ZNF133: variants seen among roughly 807,000 people sequenced by gnomAD.
The protein encoded by ZNF133 is zinc finger protein 133.
ZNF133 carries 26 observed loss-of-function variants against 54.9 expected under a neutral mutation model. The ratio of observed to expected loss-of-function variants is 0.47; its 90% confidence interval spans 0.35 to 0.66. The LOEUF (loss-of-function observed/expected upper bound fraction) is 0.66. Among genes scored for constraint, ZNF133 ranks in the 30% least tolerant of loss-of-function variants. The pLI is 0.01. For synonymous variants in ZNF133, 298 were observed against 320.3 expected (o/e 0.93, Z 0.74); for missense variants, 653 against 820.8 (o/e 0.80, Z 2.50).
chr20:18,316,394 A>ACGCACTCAGGGGAGAGGC lies in ZNF133; in HGVS notation c.1546_1563dup (p.His516_Pro521dup). 6.2e-7 allele frequency: 1 copy of ACGCACTCAGGGGAGAGGC among 1,614,020 alleles called. No individual in the cohort carries two copies. ...GTCAAACCTTGTTGCACACCAGAGG[A>ACGCACTCAGGGGAGAGGC]CGCACTCAGGGGAGAGGCCGTATGT... On this transcript the variant is annotated inframe_insertion, in exon 7 of 7. Coordinates refer to ENST00000425686, the MANE Select transcript of ZNF133 (RefSeq NM_001352452.2).
At position 18,316,184 on chromosome 20, in the gene ZNF133, C is replaced by T. The variant is rs1274688789; in HGVS notation, c.1333C>T (p.Arg445Ter). The T allele has an allele frequency of 1.2e-6, 2 of 1,609,024 alleles. No individual in the cohort carries two copies. The highest frequency in any genetic ancestry group is 2.2e-5 in the East Asian group (1 of 44,828). ...EKPYVCGVCG[R>*]GFSLKSHLNR... Reference sequence around the variant, plus strand: ...GCCGTATGTTTGTGGGGTGTGTGGGCGAGGCTTTAGTCTCAAGTCACACCT... The same window carrying T: ...GCCGTATGTTTGTGGGGTGTGTGGGTGAGGCTTTAGTCTCAAGTCACACCT... The change falls in exon 7 of 7, where the codon CGA (arginine) becomes TGA (stop). Residue 445 changes from arginine to a stop codon, truncating the protein, a stop_gained. Transcript: ENST00000425686. LOFTEE classifies it high-confidence loss of function.
At chr20:18,292,082 C>T (rs1005517180) in intron 1 of ZNF133, among the ~76,000 whole-genome samples, 9 of 152,148 alleles carry the variant, frequency 5.9e-5, no homozygotes, top group East Asian at 1.9e-4. Flanking sequence ...ATCCACACTA[C>T]GGAAATCTGG....
intron 6 of ZNF133, among the ~76,000 whole-genome samples, chr20:18,309,960 T>C (rs942502224): frequency 1.3e-5 from 2 of 152,204 alleles, no homozygotes; most frequent in Non-Finnish European, 2.9e-5. Flanking sequence ...TTATCTGACC[T>C]GTGTGTTCAT....
At chr20:18,310,390 G>A in intron 6 of ZNF133, 1 of 1,361,536 alleles carries the variant, frequency 7.3e-7, no homozygotes, top group Non-Finnish European at 9.6e-7. Context: ...CTCAAAATAG[G>A]CTAGTTACAA....
At position 18,302,164 on chromosome 20, in the gene ZNF133, G is replaced by A. The variant is rs571605851; in HGVS notation, c.-177-2844G>A. 2.2e-4 allele frequency among the ~76,000 whole-genome samples: 34 copies of A among 152,236 alleles called. No homozygotes were observed. In the South Asian group the frequency reaches 6.6e-3, roughly 30 times the overall value. The stretch of plus-strand genomic sequence containing the variant: ...GCCTGTAATCCCAGCACTTTGGGGG[G>A]CCGAGGTTGGTGGATCACCTGAGGT... On this transcript the variant is annotated intron_variant, in intron 3 of 6. Coordinates refer to ENST00000425686, the MANE Select transcript of ZNF133 (RefSeq NM_001352452.2).
Position 18,309,220 on chromosome 20 carries a change from T to C in ZNF133, c.217+2827T>C, listed in dbSNP as rs371699399. On this transcript the variant is annotated intron_variant, in intron 6 of 6. Transcript: ENST00000425686. ...GCCCTGTCTCCAAATACAGTCACATTAGGGATTACAGCTTCAACATAAGAA... is the reference window on the plus strand; with the variant it reads ...GCCCTGTCTCCAAATACAGTCACATCAGGGATTACAGCTTCAACATAAGAA... Among the ~76,000 whole-genome samples, 49 of 152,312 alleles carry C rather than the reference T, an allele frequency of 3.2e-4. 1 individual carries two copies. The highest frequency in any genetic ancestry group is 1.1e-3 in the African/African-American group (46 of 41,568).
At position 18,316,559 on chromosome 20, in the gene ZNF133, C is replaced by A; in HGVS notation, c.1708C>A (p.Arg570=). ...GNKSALITHK[R]AHSEEKPCVC... ...TAAGTCAGCTCTAATTACACACAAG[C>A]GGGCTCACTCGGAAGAGAAGCCTTG... Residue 570 remains arginine, a synonymous_variant, in exon 7 of 7, where the codon CGG becomes AGG. Coordinates refer to ENST00000425686, the MANE Select transcript of ZNF133 (RefSeq NM_001352452.2). 1.2e-6 allele frequency: 2 copies of A among 1,614,082 alleles called. No individual in the cohort carries two copies. Among genetic ancestry groups the A allele is most frequent in the South Asian group, 1.1e-5 (1 of 91,072 alleles).
In ZNF133 at chr20:18,316,472, A is replaced by G. The variant is rs1446513647; in HGVS notation, c.1621A>G (p.Lys541Glu). 1 of 1,614,006 alleles carries G rather than the reference A, an allele frequency of 6.2e-7. No individual in the cohort carries two copies. Among genetic ancestry groups the G allele is most frequent in the African/African-American group, 1.3e-5 (1 of 74,920 alleles). Residue 541 changes from lysine to glutamate, a missense_variant, in exon 7 of 7, where the codon AAG becomes GAG. By Grantham distance (56) the Lys-to-Glu change is moderately conservative (BLOSUM62 1). This residue lies in a region of ZNF133 where 5 missense variants were observed against 16.7 expected (regional missense o/e 0.30). Transcript: ENST00000425686. Reference protein sequence around the residue: ...FSHQAGLIRHKRKHSREKPYM... With the variant: ...FSHQAGLIRHERKHSREKPYM... ...CCACCAGGCCGGTCTCATCAGGCAC[A>G]AGCGGAAGCACTCGAGGGAGAAGCC... is the stretch of plus-strand genomic sequence containing the variant.
In ZNF133 at chr20:18,298,357, C is replaced by G; in HGVS notation, c.-285C>G. 7.9e-7 allele frequency: 1 copy of G among 1,262,752 alleles called. No homozygotes were observed. The highest frequency in any genetic ancestry group is 1.0e-6 in the Non-Finnish European group (1 of 999,630). 78.2% of individuals were successfully genotyped at this position (1,262,752 alleles called of 1,614,324 possible). ...ACGGGAAGATTCTGGAATCTGTGTC[C>G]CCACCTAGACAACGATTATACTGGC... On this transcript the variant is annotated 5_prime_UTR_variant, in exon 3 of 7. Coordinates refer to ENST00000425686, the MANE Select transcript of ZNF133 (RefSeq NM_001352452.2).
At chr20:18,292,226 T>C (rs746800470) in intron 1 of ZNF133, among the ~76,000 whole-genome samples, 5 of 152,214 alleles carry the variant, frequency 3.3e-5, no homozygotes, top group Non-Finnish European at 5.9e-5. Flanking sequence ...GTGGAGCAAA[T>C]AGAAGGAGAT....
chr20:18,288,733 G>GT (rs2040209318), intron 1 of ZNF133, 129 bp downstream of exon 1: 1 of 398,124 alleles, frequency 2.5e-6, no homozygotes, highest in Non-Finnish European at 4.4e-6. Flanking sequence ...GGTGATTGTG[G>GT]TGGGAACGCG....
At chr20:18,312,002 G>T (rs1330248256) in intron 6 of ZNF133, among the ~76,000 whole-genome samples, 1 of 152,030 alleles carries the variant, frequency 6.6e-6, no homozygotes, top group Non-Finnish European at 1.5e-5. Context: ...TCAGATTTTG[G>T]GTTTGTTTGG....
At position 18,316,922 on chromosome 20, in the gene ZNF133, T is replaced by C; in HGVS notation, c.*106T>C. The C allele has an allele frequency of 1.5e-6, 2 of 1,346,534 alleles. No individual in the cohort carries two copies. The highest frequency in any genetic ancestry group is 2.6e-5 in the Admixed American group (1 of 37,862). The allele number at this position is 1,346,534 out of a possible 1,614,324, so 83.4% of individuals were successfully genotyped here. On this transcript the variant is annotated 3_prime_UTR_variant, in exon 7 of 7. Transcript: ENST00000425686. ...GGTCAAAGGACATTTGACTGTTTAC[T>C]TTCTCCACACTAAGTCTTCTCCATG...
intron 1 of ZNF133, among the ~76,000 whole-genome samples, chr20:18,289,440 A>G (rs1404777469): frequency 1.3e-5 from 2 of 152,162 alleles, no homozygotes; most frequent in Admixed American, 6.5e-5. Context: ...CAGATTCAAC[A>G]CTTAAAACCT....
intron 3 of ZNF133, 125 bp downstream of exon 3, chr20:18,298,589 G>C (rs2042702165): frequency 6.5e-6 from 1 of 153,490 alleles, no homozygotes; most frequent in South Asian, 2.1e-4. Context: ...TGGGAGACAT[G>C]GTGGACAATA....
At chr20:18,290,873 A>G (rs1333226899) in intron 1 of ZNF133, among the ~76,000 whole-genome samples, 1 of 152,180 alleles carries the variant, frequency 6.6e-6, no homozygotes, top group Non-Finnish European at 1.5e-5. Flanking sequence ...TCACACCTGT[A>G]ATCAGCACTT....
intron 3 of ZNF133, among the ~76,000 whole-genome samples, chr20:18,300,932 G>C (rs1208823528): frequency 2.0e-5 from 3 of 151,980 alleles, no homozygotes; most frequent in African/African-American, 7.2e-5. Context: ...TAGAAGACTT[G>C]AACAAGGTGT....
rs558586326 is a variant in ZNF133, at chr20:18,316,321, C to A, written c.1470C>A (p.Gly490=). 6.2e-7 allele frequency: 1 copy of A among 1,607,482 alleles called. No homozygotes were observed. The highest frequency in any genetic ancestry group is 8.5e-7 in the Non-Finnish European group (1 of 1,177,720). Residue 490 remains glycine (G), a synonymous_variant, in exon 7 of 7, where the codon GGC becomes GGA. Coordinates refer to ENST00000425686, the MANE Select transcript of ZNF133 (RefSeq NM_001352452.2). ...TCAGACACCAGAGGACGCACTCAGG[C>A]GAGAAGCCCATGGTGTGTGGGGAGT... ...NLIRHQRTHS[G]EKPMVCGECG... is the part of the protein sequence containing the mutation.
Position 18,306,371 on chromosome 20 carries a change from A to C in ZNF133, c.195A>C (p.Lys65Asn), listed in dbSNP as rs772353599. 1 of 1,613,684 alleles carries C rather than the reference A, an allele frequency of 6.2e-7. No homozygotes were observed. The highest frequency in any genetic ancestry group is 8.5e-7 in the Non-Finnish European group (1 of 1,179,846). The change falls in exon 6 of 7, where the codon AAA becomes AAC. Residue 65 changes from lysine to asparagine, a missense_variant. This residue lies in a region of ZNF133 where 227 missense variants were observed against 233.9 expected (regional missense o/e 0.97). Coordinates refer to ENST00000425686, the MANE Select transcript of ZNF133 (RefSeq NM_001352452.2). ...AAGAGACCTGGAGAGAGGAAAAAAA[A>C]TGTTCACCGGCAACCTGTCCAGGTG... ...QGKETWREEK[K>N]CSPATCPADP...
Sources: allele counts gnomAD v4.1 joint callset (sites outside exome capture counted in the v4.1 genomes callset), GRCh38; gene constraint gnomAD v4.1.1; regional missense constraint gnomAD v4.1.1; transcripts MANE v1.5; gene names NCBI Gene and HGNC (gene_info 2026-07-23, HGNC 2026-07-21).